PCSK5: variants seen among roughly 807,000 people sequenced by gnomAD.
PCSK5 encodes the protein proprotein convertase subtilisin/kexin type 5, also known as prohormone convertase 5.
In PCSK5, 129 loss-of-function variants were observed where a neutral mutation model predicts 233.2. The observed-to-expected ratio is 0.55, with a 90% CI of 0.48 to 0.64. The LOEUF is 0.64. Ranked by LOEUF, PCSK5 falls within the 30% of genes least tolerant of loss-of-function variation. The pLI is 0.00. For missense variants in PCSK5, 2,076 were observed against 2,430.1 expected, an observed-to-expected ratio of 0.85 and a Z score of 3.06; for synonymous variants, 825 against 879.2, an observed-to-expected ratio of 0.94 and a Z score of 1.09.
chr9:75,930,156 C>T (rs909032718), intron 1 of PCSK5, among the ~76,000 whole-genome samples: 2 of 152,180 alleles, frequency 1.3e-5, no homozygotes, highest in Non-Finnish European at 2.9e-5. Flanking sequence ...AGCCACTGTG[C>T]CCAGCTGATC....
At chr9:76,205,705 TCA>T (rs1825090168) in intron 20 of PCSK5, among the ~76,000 whole-genome samples, 1 of 152,212 alleles carries the variant, frequency 6.6e-6, no homozygotes, top group South Asian at 2.1e-4. Context: ...TTTTGTTGTC[TCA>T]GGCTAATTAT....
chr9:76,109,255 T>C (rs1037424591), intron 9 of PCSK5, among the ~76,000 whole-genome samples: 2 of 152,158 alleles, frequency 1.3e-5, no homozygotes, highest in African/African-American at 2.4e-5. Flanking sequence ...TTCTAGGTTG[T>C]TTCTCTGGAA....
intron 5 of PCSK5, among the ~76,000 whole-genome samples, chr9:76,058,936 G>A (rs1306480367): frequency 6.6e-6 from 1 of 152,064 alleles, no homozygotes; most frequent in African/African-American, 2.4e-5. Context: ...CTTGAGCCCA[G>A]GAGTTTGAGG....
intron 24 of PCSK5, among the ~76,000 whole-genome samples, chr9:76,244,557 C>A (rs1826524402): frequency 8.3e-6 from 1 of 120,114 alleles, no homozygotes. Flanking sequence ...TGTTGAAAAT[C>A]CTGGGGTTTT....
chr9:76,321,115 GT>G (rs5898472), intron 30 of PCSK5, among the ~76,000 whole-genome samples: 52,604 of 151,882 alleles, frequency 0.35, 9,506 homozygotes, highest in African/African-American at 0.43. Context: ...CACCCGGCCA[GT>G]TAGCTATCTT....
At chr9:76,238,696 C>T (rs7846740) in intron 22 of PCSK5, among the ~76,000 whole-genome samples, 66,541 of 151,972 alleles carry the variant, frequency 0.44, 15,072 homozygotes, top group East Asian at 0.75. Flanking sequence ...CACAGAGCAT[C>T]ATTTTGCAAT....
At chr9:76,096,966 C>G (rs544492054) in intron 8 of PCSK5, among the ~76,000 whole-genome samples, 2 of 151,528 alleles carry the variant, frequency 1.3e-5, no homozygotes, top group East Asian at 3.9e-4. Flanking sequence ...GAGTCTCGCT[C>G]TTTCGCCCAG....
intron 3 of PCSK5, among the ~76,000 whole-genome samples, chr9:76,020,910 T>A (rs1828158287): frequency 6.6e-6 from 1 of 152,152 alleles, no homozygotes; most frequent in Non-Finnish European, 1.5e-5. Context: ...CACGGCAGGT[T>A]TTGAAAGGAG....
intron 20 of PCSK5, among the ~76,000 whole-genome samples, chr9:76,222,014 A>T (rs1825742190): frequency 6.6e-6 from 1 of 152,212 alleles, no homozygotes; most frequent in African/African-American, 2.4e-5. Flanking sequence ...AGACACCTCC[A>T]GGGTAGGGAT....
At chr9:76,292,162 G>C in intron 24 of PCSK5, 71 bp from the exon 25 acceptor site, 1 of 869,360 alleles carries the variant, frequency 1.2e-6, no homozygotes, top group South Asian at 1.4e-5. Flanking sequence ...TCAAGCTACA[G>C]CTTTCAGACC....
chr9:76,186,986 T>G (rs997912263), intron 17 of PCSK5, among the ~76,000 whole-genome samples: 8 of 152,118 alleles, frequency 5.3e-5, no homozygotes, highest in Non-Finnish European at 7.4e-5. Flanking sequence ...AAGAGACTTG[T>G]AAATTTTTAA....
chr9:76,240,579 G>C, intron 23 of PCSK5, 37 bp from the exon 24 acceptor site: 1 of 1,374,458 alleles, frequency 7.3e-7, no homozygotes, highest in South Asian at 1.2e-5. Flanking sequence ...CCACTCAATG[G>C]AAATGAGTTG....
intron 1 of PCSK5, 59 bp downstream of exon 1, chr9:75,891,432 C>T (rs1825590098): frequency 1.5e-6 from 2 of 1,345,180 alleles, no homozygotes; most frequent in Non-Finnish European, 2.0e-6. Context: ...GCTTCTTGTC[C>T]CCTCTGCGTG....
At chr9:76,264,940 A>G (rs573187523) in intron 24 of PCSK5, among the ~76,000 whole-genome samples, 1 of 152,226 alleles carries the variant, frequency 6.6e-6, no homozygotes, top group Non-Finnish European at 1.5e-5. Context: ...CCTTCTGACA[A>G]AAAGACACCT....
chr9:76,240,976 A>G (rs922156642), intron 24 of PCSK5, among the ~76,000 whole-genome samples: 1 of 152,168 alleles, frequency 6.6e-6, no homozygotes, highest in Non-Finnish European at 1.5e-5. Context: ...CTGACCAGCA[A>G]CCGCATTTCA....
chr9:76,176,540 G>A (rs780447762), intron 14 of PCSK5, among the ~76,000 whole-genome samples: 3 of 152,132 alleles, frequency 2.0e-5, no homozygotes, highest in Non-Finnish European at 4.4e-5. Flanking sequence ...AATTTAATTT[G>A]AATTTATATG....
intron 24 of PCSK5, among the ~76,000 whole-genome samples, chr9:76,278,714 C>A (rs1367740700): frequency 1.3e-5 from 2 of 152,042 alleles, no homozygotes; most frequent in Non-Finnish European, 2.9e-5. Context: ...TCCATCCATC[C>A]ATCCACACAG....
At chr9:76,280,309 G>T (rs1184526353) in intron 24 of PCSK5, among the ~76,000 whole-genome samples, 1 of 152,044 alleles carries the variant, frequency 6.6e-6, no homozygotes, top group Non-Finnish European at 1.5e-5. Flanking sequence ...CCTTCCCTGA[G>T]ATATAATAAT....
intron 30 of PCSK5, among the ~76,000 whole-genome samples, chr9:76,319,096 T>G (rs961208611): frequency 6.6e-5 from 10 of 152,172 alleles, no homozygotes; most frequent in Admixed American, 5.2e-4. Context: ...TGATGACATG[T>G]GCCCAAGGTG....
Sources: allele counts gnomAD v4.1 joint callset (sites outside exome capture counted in the v4.1 genomes callset), GRCh38; gene constraint gnomAD v4.1.1; transcripts MANE v1.5; gene names NCBI Gene and HGNC (gene_info 2026-07-23, HGNC 2026-07-21).